Variants in RNPC3 observed in about 807,000 individuals in gnomAD.
The protein encoded by RNPC3 is RNA-binding region-containing protein 3.
A neutral mutation model predicts 67.5 loss-of-function variants in RNPC3; 48 were observed. That is an observed-to-expected ratio of 0.71 (90% CI 0.56 to 0.90). The LOEUF (loss-of-function observed/expected upper bound fraction) is 0.90, where lower values mean the gene tolerates loss of function less well. Among genes scored for constraint, RNPC3 ranks in the 40% least tolerant of loss-of-function variants. The pLI, the probability that RNPC3 is intolerant of heterozygous loss-of-function variation, is 0.00. For missense variants in RNPC3, 637 were observed against 626.1 expected (o/e 1.02, Z -0.19); for synonymous variants, 239 against 210.3 (o/e 1.14, Z -1.18).
At chr1:103,533,987 T>C (rs1650926276) in intron 3 of RNPC3, 130 bp downstream of exon 3, 2 of 623,532 alleles carry the variant, frequency 3.2e-6, no homozygotes, top group Admixed American at 2.8e-5. Context: ...GATTTTTCCA[T>C]TAAACCTAGT....
At position 103,551,073 on chromosome 1, in the gene RNPC3, T is replaced by C. The variant is rs753521252; in HGVS notation, c.1494T>C (p.Val498=). The C allele has an allele frequency of 3.6e-5, 58 of 1,605,524 alleles. No individual in the cohort carries two copies. In the South Asian group the frequency reaches 6.4e-4, roughly 18 times the overall value. The change falls in exon 13 of 15, where the codon GTT becomes GTC. Residue 498 remains valine (V), a splice_region_variant and synonymous_variant. Transcript: ENST00000423855. The part of the protein sequence containing the change: ...GYVLFGKPMV[V]QFARSARPKQ... Reference sequence around the variant, plus strand: ...TGCTTTTTGGAAAACCCATGGTGGTTGTATCCTTTAAATCCATCTATTTCA... The same window carrying C: ...TGCTTTTTGGAAAACCCATGGTGGTCGTATCCTTTAAATCCATCTATTTCA...
chr1:103,546,922 A>AT, intron 11 of RNPC3, 55 bp from the exon 12 acceptor site: 7 of 867,674 alleles, frequency 8.1e-6, no homozygotes, highest in Non-Finnish European at 1.3e-5. Flanking sequence ...TTATTTATTT[A>AT]TTAAGTTTTT....
At chr1:103,546,066 T>G in intron 10 of RNPC3, 182 bp from the exon 11 acceptor site, 2 of 317,072 alleles carry the variant, frequency 6.3e-6, no homozygotes, top group Non-Finnish European at 1.1e-5. Context: ...TTATGTAATA[T>G]TGTTACTAAT....
chr1:103,535,688 A>G (rs887110249), intron 5 of RNPC3, among the ~76,000 whole-genome samples: 1 of 152,110 alleles, frequency 6.6e-6, no homozygotes, highest in Non-Finnish European at 1.5e-5. Flanking sequence ...TTTAGAATAC[A>G]TCATTAACAT....
chr1:103,528,961 A>T (rs1455286415), intron 2 of RNPC3, among the ~76,000 whole-genome samples: 1 of 152,238 alleles, frequency 6.6e-6, no homozygotes, highest in East Asian at 1.9e-4. Flanking sequence ...GGTAAAAGGA[A>T]GGGAAGCCTT....
intron 14 of RNPC3, chr1:103,553,396 G>A (rs1651447878): frequency 6.6e-6 from 1 of 151,992 alleles, no homozygotes; most frequent in Non-Finnish European, 1.5e-5. Flanking sequence ...TCCCCCACCT[G>A]TTGATCCAGG....
chr1:103,547,009 C>T lies in RNPC3; in HGVS notation c.1335C>T (p.Asp445=). ...AATATATTTTTGGAAGATATGTTGA[C>T]TTTTCATCAGAAACACAGCGGATCA... ...DLKYIFGRYV[D]FSSETQRIMF... Residue 445 remains aspartate, a synonymous_variant, in exon 12 of 15, where the codon GAC becomes GAT. Coordinates refer to ENST00000423855, the MANE Select transcript of RNPC3 (RefSeq NM_017619.4). 6.7e-7 allele frequency: 1 copy of T among 1,498,538 alleles called. No individual in the cohort carries two copies. The highest frequency in any genetic ancestry group is 8.9e-7 in the Non-Finnish European group (1 of 1,118,438). 92.8% of individuals were successfully genotyped at this position (1,498,538 alleles called of 1,614,324 possible).
At chr1:103,533,254 G>T (rs1407863892) in intron 2 of RNPC3, among the ~76,000 whole-genome samples, 1 of 152,020 alleles carries the variant, frequency 6.6e-6, no homozygotes, top group Non-Finnish European at 1.5e-5. Flanking sequence ...CATCAATTCT[G>T]TTGTCTCAAA....
chr1:103,531,961 G>T (rs1650869030), intron 2 of RNPC3, among the ~76,000 whole-genome samples: 2 of 152,106 alleles, frequency 1.3e-5, no homozygotes, highest in African/African-American at 4.8e-5. Flanking sequence ...TATGGTTTCA[G>T]GTCTTAGATT....
chr1:103,547,585 T>G (rs1651278523), intron 12 of RNPC3, among the ~76,000 whole-genome samples: 1 of 152,178 alleles, frequency 6.6e-6, no homozygotes, highest in South Asian at 2.1e-4. Context: ...AGACTATGCT[T>G]TGAAAACCAT....
Position 103,551,061 on chromosome 1 carries a change from A to G in RNPC3, c.1482A>G (p.Lys494=), listed in dbSNP as rs756486875. ...CTAATGGATATGTGCTTTTTGGAAA[A>G]CCCATGGTGGTTGTATCCTTTAAAT... ...KEANGYVLFG[K]PMVVQFARSA... is the part of the protein sequence containing the mutation. Residue 494 remains lysine, a synonymous_variant, in exon 13 of 15, where the codon AAA becomes AAG. Coordinates refer to ENST00000423855, the MANE Select transcript of RNPC3 (RefSeq NM_017619.4). The G allele has an allele frequency of 2.5e-6, 4 of 1,610,416 alleles. No individual in the cohort carries two copies. The Admixed American group carries it at 5.0e-5, about 20-fold the overall frequency.
chr1:103,547,730 G>A (rs1398236822), intron 12 of RNPC3, among the ~76,000 whole-genome samples: 6 of 152,166 alleles, frequency 3.9e-5, no homozygotes, highest in Non-Finnish European at 8.8e-5. Context: ...AAAAGAGAGG[G>A]TTGTGATTTA....
chr1:103,534,916 G>C lies in RNPC3; in HGVS notation c.443+59G>C, dbSNP rs763853267. On this transcript the variant is annotated intron_variant, in intron 4 of 14. Coordinates refer to ENST00000423855, the MANE Select transcript of RNPC3 (RefSeq NM_017619.4). Reference sequence around the variant, plus strand: ...GTTCTGTGTTATATACAGATGTACAGATATCTTACTGCTTTTTGCTTATTA... The same window carrying C: ...GTTCTGTGTTATATACAGATGTACACATATCTTACTGCTTTTTGCTTATTA... 5.4e-4 allele frequency: 516 copies of C among 959,366 alleles called. 2 individuals are homozygous for C. Among genetic ancestry groups the C allele is most frequent in the Middle Eastern group, 6.9e-4 (3 of 4,350 alleles). 59.4% of individuals were successfully genotyped at this position (959,366 alleles called of 1,614,324 possible). A position where few individuals can be genotyped will look rare whatever the true frequency, so the allele number is the denominator to read the frequency against.
At chr1:103,537,042 G>A (rs1651003414) in intron 6 of RNPC3, among the ~76,000 whole-genome samples, 1 of 152,180 alleles carries the variant, frequency 6.6e-6, no homozygotes, top group Admixed American at 6.5e-5. Context: ...AGATCAGGAA[G>A]GAAGAATTGT....
chr1:103,533,069 C>A (rs1650898467), intron 2 of RNPC3, among the ~76,000 whole-genome samples: 1 of 151,978 alleles, frequency 6.6e-6, no homozygotes, highest in South Asian at 2.1e-4. Flanking sequence ...CCTCACCACA[C>A]ACAATTCCAG....
intron 2 of RNPC3, among the ~76,000 whole-genome samples, chr1:103,529,862 A>C (rs1050041608): frequency 1.3e-5 from 2 of 152,164 alleles, no homozygotes; most frequent in African/African-American, 4.8e-5. Context: ...GGTGACTGGC[A>C]GGCTGAGGAA....
chr1:103,550,362 G>A (rs1010496835), intron 12 of RNPC3, among the ~76,000 whole-genome samples: 9 of 151,972 alleles, frequency 5.9e-5, no homozygotes, highest in East Asian at 1.9e-4. Flanking sequence ...CAGCCAGTGC[G>A]GTGGTCCACG....
chr1:103,541,840 G>A (rs147100592), intron 8 of RNPC3, among the ~76,000 whole-genome samples: 1 of 151,822 alleles, frequency 6.6e-6, no homozygotes, highest in Non-Finnish European at 1.5e-5. Context: ...TAATATATTA[G>A]TGAATAATGT....
At chr1:103,538,766 T>C (rs1651053910) in intron 7 of RNPC3, among the ~76,000 whole-genome samples, 1 of 152,244 alleles carries the variant, frequency 6.6e-6, no homozygotes, top group African/African-American at 2.4e-5. Context: ...AGTAATTCTT[T>C]AGGATTTCAT....
Sources: allele counts gnomAD v4.1 joint callset (sites outside exome capture counted in the v4.1 genomes callset), GRCh38; gene constraint gnomAD v4.1.1; transcripts MANE v1.5; gene names NCBI Gene and HGNC (gene_info 2026-07-23, HGNC 2026-07-21).